CHEK1: variants seen among roughly 807,000 people sequenced by gnomAD.
CHEK1 encodes the protein checkpoint kinase 1.
A neutral mutation model predicts 60.2 loss-of-function variants in CHEK1; 32 were observed. That is an observed-to-expected ratio of 0.53 (90% confidence interval 0.40 to 0.71). The LOEUF (loss-of-function observed/expected upper bound fraction) is 0.71. CHEK1 is among the 30% of genes least tolerant of loss of function. The probability of loss-of-function intolerance (pLI) is 0.00; values close to 1 mark genes in which losing one functional copy is unlikely to be tolerated. For synonymous variants in CHEK1, 179 were observed against 187.2 expected (o/e 0.96, Z 0.36); for missense variants, 399 against 564.6 (o/e 0.71, Z 2.97).
Position 125,635,719 on chromosome 11 carries a change from A to G in CHEK1, c.718+186A>G, listed in dbSNP as rs1476255906. On this transcript the variant is annotated intron_variant, in intron 7 of 12. Coordinates refer to ENST00000438015, the MANE Select transcript of CHEK1 (RefSeq NM_001114122.3). ...AACTCTTTAGTCCCAGAACTCTGCAATAGATTTTTAAAAATATTTTGGGGA... is the reference window on the plus strand; with the variant it reads ...AACTCTTTAGTCCCAGAACTCTGCAGTAGATTTTTAAAAATATTTTGGGGA... The G allele has an allele frequency of 1.6e-5, 6 of 368,198 alleles. No homozygotes were observed. The East Asian group carries it at 2.3e-4, about 14-fold the overall frequency. 22.8% of individuals were successfully genotyped at this position (368,198 alleles called of 1,614,324 possible).
At chr11:125,666,335 C>T (rs1481444220) in intron 13 of CHEK1, among the ~76,000 whole-genome samples, 1 of 151,126 alleles carries the variant, frequency 6.6e-6, no homozygotes, top group Non-Finnish European at 1.5e-5. Context: ...TTATTGATTT[C>T]TAGTTTTATT....
At chr11:125,676,317 T>C (rs1942504344), downstream of CHEK1, 2 of 1,610,150 alleles carry the variant, frequency 1.2e-6, no homozygotes, top group African/African-American at 1.3e-5. Context: ...AGTAAGTTGA[T>C]GTGTTCTCAG....
chr11:125,676,291 A>G (rs1034168507), downstream of CHEK1: 79 of 1,580,102 alleles, frequency 5.0e-5, 1 homozygote, highest in Admixed American at 1.0e-3. Flanking sequence ...TGTCATTCCA[A>G]CTGCCCCCTA....
chr11:125,652,142 C>G (rs1941758889), intron 11 of CHEK1, among the ~76,000 whole-genome samples: 1 of 152,132 alleles, frequency 6.6e-6, no homozygotes, highest in Non-Finnish European at 1.5e-5. Context: ...GTAATTTGGG[C>G]TGTGTTTTTT....
In CHEK1 at chr11:125,627,831, G is replaced by T. The variant is rs756835185; in HGVS notation, c.289+1G>T. The T allele has an allele frequency of 1.1e-5, 17 of 1,530,058 alleles. No homozygotes were observed. Among genetic ancestry groups the T allele is most frequent in the Non-Finnish European group, 8.8e-7 (1 of 1,138,032 alleles). 94.8% of individuals were successfully genotyped at this position (1,530,058 alleles called of 1,614,324 possible). On this transcript the variant is annotated splice_donor_variant, in intron 3 of 12. Transcript: ENST00000438015. LOFTEE classifies it high-confidence loss of function. ...GGAGGAGAGCTTTTTGACAGAATAG[G>T]TATGGAAGAAATTTAAGATAATTAT...
chr11:125,639,433 G>A (rs1220803555), intron 8 of CHEK1, among the ~76,000 whole-genome samples: 5 of 140,730 alleles, frequency 3.6e-5, no homozygotes, highest in Admixed American at 7.5e-5. Flanking sequence ...GTGCAGTGGC[G>A]CCATCTCCAC....
intron 5 of CHEK1, among the ~76,000 whole-genome samples, chr11:125,630,837 A>G (rs946992123): frequency 6.6e-6 from 1 of 152,184 alleles, no homozygotes; most frequent in African/African-American, 2.4e-5. Flanking sequence ...TGTTTTTAAT[A>G]TAGCAGGAAA....
intron 6 of CHEK1, among the ~76,000 whole-genome samples, chr11:125,634,622 T>C (rs1395162172): frequency 2.0e-5 from 3 of 151,682 alleles, no homozygotes; most frequent in Admixed American, 6.6e-5. Flanking sequence ...CCTATAAAGA[T>C]ACAATATTGT....
chr11:125,677,377 G>C (rs576512881), downstream of CHEK1, among the ~76,000 whole-genome samples: 94 of 152,268 alleles, frequency 6.2e-4, no homozygotes, highest in African/African-American at 2.0e-3. Context: ...ACCACCAGCT[G>C]CACACATCTC....
chr11:125,638,663 A>G (rs983282186), intron 8 of CHEK1, among the ~76,000 whole-genome samples: 1 of 152,142 alleles, frequency 6.6e-6, no homozygotes, highest in Non-Finnish European at 1.5e-5. Context: ...TGATCTGGAC[A>G]TGGTACAGGT....
Position 125,653,767 on chromosome 11 carries a change from A to G in CHEK1, c.1255A>G (p.Arg419Gly). ...MNQVTISTTD[R>G]RNNKLIFKVN... ...TTAGGTTACTATATCAACAACTGAT[A>G]GGAGAAACAATAAACTCATTTTCAA... Residue 419 changes from arginine to glycine, a missense_variant, in exon 12 of 13, where the codon AGG (arginine) becomes GGG (glycine). Arg to Gly is a moderately radical substitution (Grantham distance 125). Coordinates refer to ENST00000438015, the MANE Select transcript of CHEK1 (RefSeq NM_001114122.3). The surrounding 1 kb of genome is among the most constrained non-coding windows in gnomAD (Gnocchi z 4.3). 6.3e-7 allele frequency: 1 copy of G among 1,588,186 alleles called. No individual in the cohort carries two copies. The highest frequency in any genetic ancestry group is 8.6e-7 in the Non-Finnish European group (1 of 1,162,424).
downstream of CHEK1, among the ~76,000 whole-genome samples, chr11:125,661,149 A>T (rs1942006824): frequency 6.6e-6 from 1 of 152,182 alleles, no homozygotes; most frequent in Admixed American, 6.5e-5. Flanking sequence ...TTATCTTAAA[A>T]ATCCAATCTG....
downstream of CHEK1, chr11:125,680,625 G>A: frequency 2.0e-6 from 2 of 1,021,444 alleles, no homozygotes; most frequent in Non-Finnish European, 1.5e-6. Context: ...TTCTGACTCA[G>A]ATTGGTTTGG....
At chr11:125,644,664 T>G (rs775285789) in intron 11 of CHEK1, 21 bp downstream of exon 11, 2 of 1,606,512 alleles carry the variant, frequency 1.2e-6, no homozygotes, top group Non-Finnish European at 1.7e-6. Flanking sequence ...TTGATTTTCA[T>G]TATACCTTTT....
chr11:125,663,146 CAAAT>C (rs947314068), intron 13 of CHEK1, among the ~76,000 whole-genome samples: 2 of 147,364 alleles, frequency 1.4e-5, no homozygotes, highest in Non-Finnish European at 3.0e-5. Context: ...AAAAAAAAAA[CAAAT>C]ATGTCTCCCA....
chr11:125,664,890 G>A (rs1482600929), intron 13 of CHEK1, among the ~76,000 whole-genome samples: 1 of 152,100 alleles, frequency 6.6e-6, no homozygotes, highest in African/African-American at 2.4e-5. Flanking sequence ...TTTTCTTCTA[G>A]TAGTTTTATA....
intron 13 of CHEK1, among the ~76,000 whole-genome samples, chr11:125,669,044 A>G (rs1401177730): frequency 2.6e-5 from 4 of 152,072 alleles, no homozygotes; most frequent in Non-Finnish European, 4.4e-5. Context: ...ATATATATCT[A>G]CTTACATTAA....
In CHEK1 at chr11:125,629,378, G is replaced by A. The variant is rs201476644; in HGVS notation, c.355-13G>A. ...ACCAAATTCTAGTGTGTTTCTCTCT[G>A]CATCCCTCTTAGGTTTATCTGCATG... is the stretch of plus-strand genomic sequence containing the variant. On this transcript the variant is annotated splice_polypyrimidine_tract_variant and intron_variant, in intron 4 of 12. Coordinates refer to ENST00000438015, the MANE Select transcript of CHEK1 (RefSeq NM_001114122.3). 102 of 1,613,240 alleles carry A rather than the reference G, an allele frequency of 6.3e-5. No individual in the cohort carries two copies. The East Asian group carries it at 2.3e-3, about 36-fold the overall frequency.
downstream of CHEK1, chr11:125,676,584 C>T (rs479195): frequency 0.51 from 683,516 of 1,340,416 alleles, 177,651 homozygotes; most frequent in Admixed American, 0.61. Flanking sequence ...GGATACTACA[C>T]ATTTATTTCT....
Sources: allele counts gnomAD v4.1 joint callset (sites outside exome capture counted in the v4.1 genomes callset), GRCh38; gene constraint gnomAD v4.1.1; non-coding constraint Gnocchi (gnomAD v3.1); transcripts MANE v1.5; gene names NCBI Gene and HGNC (gene_info 2026-07-23, HGNC 2026-07-21).